Variants in CACNA1C observed in about 807,000 individuals in gnomAD.
The protein encoded by CACNA1C is voltage-dependent L-type calcium channel subunit alpha-1C.
A neutral mutation model predicts 229.0 loss-of-function variants in CACNA1C; 30 were observed. The ratio of observed to expected loss-of-function variants is 0.13; its 90% confidence interval spans 0.10 to 0.18. The LOEUF (loss-of-function observed/expected upper bound fraction) is 0.18, where lower values mean the gene tolerates loss of function less well. Among genes scored for constraint, CACNA1C ranks in the 10% least tolerant of loss-of-function variants. CACNA1C has a pLI of 1.00. For missense variants in CACNA1C, 1,658 were observed against 2,845.0 expected, an observed-to-expected ratio of 0.58 and a Z score of 9.49; for synonymous variants, 1,114 against 1,132.5, an observed-to-expected ratio of 0.98 and a Z score of 0.33.
intron 3 of CACNA1C, among the ~76,000 whole-genome samples, chr12:2,209,350 T>A (rs2097851961): frequency 6.6e-6 from 1 of 152,170 alleles, no homozygotes; most frequent in Admixed American, 6.5e-5. Context: ...GGAAGGGGTA[T>A]GTTCGACGGT....
At chr12:2,457,060 C>T (rs182277952) in intron 4 of CACNA1C, among the ~76,000 whole-genome samples, 12 of 152,296 alleles carry the variant, frequency 7.9e-5, no homozygotes, top group African/African-American at 1.9e-4. Context: ...CATTCATTTG[C>T]GCAGCACGCA....
At chr12:2,139,039 G>A (rs2093862762) in intron 3 of CACNA1C, among the ~76,000 whole-genome samples, 1 of 150,808 alleles carries the variant, frequency 6.6e-6, no homozygotes, top group Admixed American at 6.7e-5. Context: ...TAGCACTGCT[G>A]TGAAAATACC....
chr12:1,993,096 A>T, intron 1 of CACNA1C: 1 of 869,642 alleles, frequency 1.1e-6, no homozygotes, highest in Non-Finnish European at 2.0e-6. Flanking sequence ...GGAAGAATCT[A>T]TTCCATCATT....
chr12:2,221,002 G>C (rs2061331894), intron 3 of CACNA1C: 1 of 152,238 alleles, frequency 6.6e-6, no homozygotes, highest in Non-Finnish European at 1.5e-5. Context: ...GTGGGTGGGG[G>C]TTACTTTAAG....
chr12:2,662,232 A>AC (rs2095796821), intron 34 of CACNA1C, among the ~76,000 whole-genome samples: 1 of 110,640 alleles, frequency 9.0e-6, no homozygotes, highest in Non-Finnish European at 2.1e-5. Context: ...ACAGAGAAAG[A>AC]CCCCATCTCA....
chr12:2,550,870 G>A (rs79106169), intron 10 of CACNA1C, among the ~76,000 whole-genome samples: 2 of 152,206 alleles, frequency 1.3e-5, no homozygotes, highest in African/African-American at 4.8e-5. Context: ...TGACGGCAGA[G>A]CAGCTCTCAC....
rs1161119000 is a variant in CACNA1C at position 2,054,178 on chromosome 12, G to A, written c.49+567G>A. 6.6e-6 allele frequency among the ~76,000 whole-genome samples: 1 copy of A among 151,864 alleles called. No homozygotes were observed. Among genetic ancestry groups the A allele is most frequent in the Non-Finnish European group, 1.5e-5 (1 of 67,890 alleles). ...GCTCCAGGTGGCGGGTGGGGGCGGC[G>A]GTGCAGATGTGAAGCCCAGCGCGCC... On this transcript the variant is annotated intron_variant, in intron 1 of 46. Transcript: ENST00000399655. The surrounding 1 kb of genome is among the most constrained non-coding windows in gnomAD (Gnocchi z 5.5).
At position 2,633,728 on chromosome 12, in the gene CACNA1C, C is replaced by T. The variant is rs762703020; in HGVS notation, c.3829-569C>T. On this transcript the variant is annotated intron_variant, in intron 29 of 46. Transcript: ENST00000399655. This position sits in a 1 kb window ranked among gnomAD's most constrained non-coding sequence, Gnocchi z 5.8. ...TGAGACTAATGTGAGTATTACTCTG[C>T]CCTCCCCAGGAAACCTCCTCATTCC... 1 of 1,455,854 alleles carries T rather than the reference C, an allele frequency of 6.9e-7. No homozygotes were observed. Among genetic ancestry groups the T allele is most frequent in the South Asian group, 1.1e-5 (1 of 87,502 alleles). 90.2% of individuals were successfully genotyped at this position (1,455,854 alleles called of 1,614,324 possible). A position where few individuals can be genotyped will look rare whatever the true frequency, so the allele number is the denominator to read the frequency against.
chr12:2,103,031 G>A lies in CACNA1C; in HGVS notation c.50-12193G>A, dbSNP rs146831501. On this transcript the variant is annotated intron_variant, in intron 1 of 46. Transcript: ENST00000399655. ...CCAAGTCTTTGCTATTGTGAACGGT[G>A]CCGCAGTAAACATATGTGTGCATGT... is the stretch of plus-strand genomic sequence containing the variant. Among the ~76,000 whole-genome samples the A allele has an allele frequency of 1.6e-3, 239 of 152,338 alleles. 5 individuals are homozygous for A. The highest frequency in any genetic ancestry group is 5.2e-3 in the African/African-American group (218 of 41,582).
intron 9 of CACNA1C, among the ~76,000 whole-genome samples, chr12:2,546,476 G>A (rs892265976): frequency 6.6e-6 from 1 of 152,190 alleles, no homozygotes. Flanking sequence ...ATTCCCTGCA[G>A]TAGCTGATGT....
intron 1 of CACNA1C, among the ~76,000 whole-genome samples, chr12:1,988,820 G>C (rs2154472348): frequency 6.6e-6 from 1 of 152,230 alleles, no homozygotes; most frequent in Non-Finnish European, 1.5e-5. Flanking sequence ...ATTTATAGCA[G>C]TTTTTCCCAG....
At chr12:2,615,138 C>T (rs2079809512) in intron 29 of CACNA1C, among the ~76,000 whole-genome samples, 1 of 152,198 alleles carries the variant, frequency 6.6e-6, no homozygotes, top group Admixed American at 6.5e-5. Context: ...AGAAGGATCT[C>T]CTTCCCTAGA....
In CACNA1C at chr12:2,601,177, A is replaced by C. The variant is rs58143225; in HGVS notation, c.2854-677A>C. On this transcript the variant is annotated intron_variant, in intron 21 of 46. Transcript: ENST00000399655. The surrounding 1 kb of genome is among the most constrained non-coding windows in gnomAD (Gnocchi z 5.9). ...GCAGGACAGTAGAATTGAGTTTAGA[A>C]TATTTGGCATCAATAATAAGCACCC... Among the ~76,000 whole-genome samples the C allele has an allele frequency of 4.0e-3, 604 of 152,290 alleles. 3 individuals are homozygous for C. Among genetic ancestry groups the C allele is most frequent in the African/African-American group, 0.014 (585 of 41,552 alleles).
At chr12:2,021,187 G>A (rs1593845049) in intron 1 of CACNA1C, among the ~76,000 whole-genome samples, 1 of 152,152 alleles carries the variant, frequency 6.6e-6, no homozygotes, top group Non-Finnish European at 1.5e-5. Context: ...GCTTTGCATA[G>A]ATCATTTTTT....
chr12:2,619,876 A>C lies in CACNA1C; in HGVS notation c.3828+7863A>C, dbSNP rs185504869. ...AATACAAGCAGGTAGGTAAGGCCAC[A>C]CTTGCCTGGGGCGACTTTGGCCCAC... On this transcript the variant is annotated intron_variant, in intron 29 of 46. Transcript: ENST00000399655. Among the ~76,000 whole-genome samples, 10 of 152,144 alleles carry C rather than the reference A, an allele frequency of 6.6e-5. No homozygotes were observed. In the East Asian group the frequency reaches 1.4e-3, roughly 21 times the overall value.
In CACNA1C at chr12:2,488,057, C is replaced by T. The variant is rs116106833; in HGVS notation, c.916+1795C>T. Among the ~76,000 whole-genome samples the T allele has an allele frequency of 3.4e-3, 522 of 152,222 alleles. 4 individuals are homozygous for T. The highest frequency in any genetic ancestry group is 0.012 in the African/African-American group (489 of 41,528). On this transcript the variant is annotated intron_variant, in intron 6 of 46. Coordinates refer to ENST00000399655, the MANE Select transcript of CACNA1C (RefSeq NM_000719.7). The surrounding 1 kb of genome is among the most constrained non-coding windows in gnomAD (Gnocchi z 4.0). ...GTTCAGCAGTGAATGATGGTGAGGC[C>T]CTCACTAACAAAATGGGGGAGAGCG... is the stretch of plus-strand genomic sequence containing the variant.
Position 2,497,437 on chromosome 12 carries a change from G to A in CACNA1C, c.1113+4051G>A, listed in dbSNP as rs368019268. Among the ~76,000 whole-genome samples, 32 of 152,314 alleles carry A rather than the reference G, an allele frequency of 2.1e-4. No homozygotes were observed. The East Asian group carries it at 4.1e-3, about 19-fold the overall frequency. On this transcript the variant is annotated intron_variant, in intron 7 of 46. Transcript: ENST00000399655. ...TGAGAATTGTGGAAGGGGGGCAGCAGCTAGACTAGGCATCACACTAGAGGA... is the reference window on the plus strand; with the variant it reads ...TGAGAATTGTGGAAGGGGGGCAGCAACTAGACTAGGCATCACACTAGAGGA...
At chr12:2,391,180 G>C (rs1311792436) in intron 3 of CACNA1C, among the ~76,000 whole-genome samples, 1 of 152,216 alleles carries the variant, frequency 6.6e-6, no homozygotes, top group African/African-American at 2.4e-5. Flanking sequence ...GGGAGCAGGA[G>C]AGCAGCTAAG....
chr12:2,541,058 T>A (rs1412381598), intron 9 of CACNA1C, among the ~76,000 whole-genome samples: 8 of 152,176 alleles, frequency 5.3e-5, no homozygotes, highest in Admixed American at 4.6e-4. Context: ...CTTCCCTCTG[T>A]ACCTGTCAGT....
Sources: allele counts gnomAD v4.1 joint callset (sites outside exome capture counted in the v4.1 genomes callset), GRCh38; gene constraint gnomAD v4.1.1; non-coding constraint Gnocchi (gnomAD v3.1); transcripts MANE v1.5; gene names NCBI Gene and HGNC (gene_info 2026-07-23, HGNC 2026-07-21).